The following MYO9B variants were observed in gnomAD, a reference collection of about 807,000 sequenced individuals.
The protein encoded by MYO9B is unconventional myosin-IXb.
A neutral mutation model predicts 229.5 loss-of-function variants in MYO9B; 71 were observed. That is an observed-to-expected ratio of 0.31 (90% confidence interval 0.26 to 0.38). MYO9B has a LOEUF of 0.38. Among genes scored for constraint, MYO9B ranks in the 10% least tolerant of loss-of-function variants. The pLI is 1.00. For missense variants in MYO9B, 2,255 were observed against 2,920.5 expected (o/e 0.77, Z 5.25); for synonymous variants, 1,185 against 1,235.8 (o/e 0.96, Z 0.86).
intron 1 of MYO9B, among the ~76,000 whole-genome samples, chr19:17,093,660 A>G (rs959841459): frequency 7.3e-6 from 1 of 137,872 alleles, no homozygotes; most frequent in Non-Finnish European, 1.5e-5. Flanking sequence ...TTTTAAATCC[A>G]TGTAATTTTT....
intron 2 of MYO9B, among the ~76,000 whole-genome samples, chr19:17,112,697 A>G (rs913639669): frequency 6.6e-6 from 1 of 152,200 alleles, no homozygotes; most frequent in African/African-American, 2.4e-5. Context: ...GGGGCATCCA[A>G]GGGAGAATTG....
rs961040577 is a variant in MYO9B, at chr19:17,185,834, T to A, written c.2497-87T>A. 3 of 1,057,806 alleles carry A rather than the reference T, an allele frequency of 2.8e-6. No homozygotes were observed. In the Admixed American group the frequency reaches 5.4e-5, roughly 19 times the overall value. The allele number at this position is 1,057,806 out of a possible 1,614,324, so 65.5% of individuals were successfully genotyped here. ...GCAGACCCCATCCACCCCACACTGATGCTAGAGTGTCCCAGGTCTGCTCCC... is the reference window on the plus strand; with the variant it reads ...GCAGACCCCATCCACCCCACACTGAAGCTAGAGTGTCCCAGGTCTGCTCCC... On this transcript the variant is annotated intron_variant, in intron 17 of 39. Coordinates refer to ENST00000682292, the MANE Select transcript of MYO9B (RefSeq NM_004145.4).
Position 17,202,000 on chromosome 19 carries a change from C to T in MYO9B, c.4638C>T (p.Asn1546=), listed in dbSNP as rs1409517985. The change falls in exon 27 of 40, where the codon AAC becomes AAT. Residue 1546 remains asparagine, a synonymous_variant. Coordinates refer to ENST00000682292, the MANE Select transcript of MYO9B (RefSeq NM_004145.4). ...FIEATEKFRS[N]IKTMYSVPNG... The stretch of plus-strand genomic sequence containing the variant: ...AAGCCACCGAGAAGTTCAGGAGCAA[C>T]ATCAAAACGATGTACTCTGTCCCGG... The T allele has an allele frequency of 3.1e-6, 5 of 1,612,926 alleles. No homozygotes were observed. Among genetic ancestry groups the T allele is most frequent in the East Asian group, 2.2e-5 (1 of 44,868 alleles).
Position 17,154,392 on chromosome 19 carries a change from C to T in MYO9B, c.1176C>T (p.Gly392=). The part of the protein sequence containing the change: ...ERLKQAMEMV[G]FLPATKKQIF... ...TCAAGCAGGCCATGGAGATGGTGGG[C>T]TTCCTCCCCGCCACCAAGAAGCAGT... Residue 392 remains glycine, a synonymous_variant, in exon 6 of 40, where the codon GGC becomes GGT. Coordinates refer to ENST00000682292, the MANE Select transcript of MYO9B (RefSeq NM_004145.4). 6.2e-7 allele frequency: 1 copy of T among 1,612,356 alleles called. No homozygotes were observed. Among genetic ancestry groups the T allele is most frequent in the Non-Finnish European group, 8.5e-7 (1 of 1,178,756 alleles).
intron 26 of MYO9B, among the ~76,000 whole-genome samples, chr19:17,201,595 G>A (rs923426303): frequency 2.0e-5 from 3 of 152,156 alleles, no homozygotes; most frequent in African/African-American, 7.2e-5. Context: ...GTCCGCCAGG[G>A]AACACTGGCA....
At chr19:17,096,964 A>G (rs1253925794) in intron 1 of MYO9B, among the ~76,000 whole-genome samples, 4 of 148,446 alleles carry the variant, frequency 2.7e-5, no homozygotes, top group Non-Finnish European at 6.1e-5. Flanking sequence ...TGCTGGGATT[A>G]CAGGCGTGAG....
intron 11 of MYO9B, among the ~76,000 whole-genome samples, chr19:17,171,821 C>T (rs757905801): frequency 2.0e-5 from 3 of 152,132 alleles, no homozygotes; most frequent in Non-Finnish European, 4.4e-5. Context: ...ATAGTCCCAG[C>T]TACTCAGGAA....
intron 8 of MYO9B, among the ~76,000 whole-genome samples, chr19:17,161,214 C>G (rs1412912657): frequency 3.9e-5 from 6 of 152,110 alleles, no homozygotes; most frequent in Admixed American, 2.0e-4. Flanking sequence ...CGCCCCACCC[C>G]CTCCCCGAGC....
At chr19:17,150,728 C>T (rs1009101978) in intron 3 of MYO9B, among the ~76,000 whole-genome samples, 1 of 141,720 alleles carries the variant, frequency 7.1e-6, no homozygotes, top group Non-Finnish European at 1.6e-5. Flanking sequence ...GTCCACTCCT[C>T]AGGAGCCACC....
In MYO9B at chr19:17,200,745, G is replaced by T; in HGVS notation, c.4479G>T (p.Val1493=). Residue 1493 remains valine, a synonymous_variant, in exon 26 of 40, where the codon GTG becomes GTT. Coordinates refer to ENST00000682292, the MANE Select transcript of MYO9B (RefSeq NM_004145.4). ...ATGTCAAGATTGGGAAGATCACAGT[G>T]TCAGAGAAGTGGCGGGAATCGGTGT... The part of the protein sequence containing the change: ...NRNVKIGKIT[V]SEKWRESVFR... 6.2e-7 allele frequency: 1 copy of T among 1,614,104 alleles called. No homozygotes were observed. The highest frequency in any genetic ancestry group is 8.5e-7 in the Non-Finnish European group (1 of 1,179,916).
At chr19:17,191,688 C>T (rs1476527784) in intron 20 of MYO9B, among the ~76,000 whole-genome samples, 1 of 152,120 alleles carries the variant, frequency 6.6e-6, no homozygotes, top group East Asian at 1.9e-4. Flanking sequence ...TAAAAAATTC[C>T]CTTCCAGCCA....
At chr19:17,187,886 T>C (rs368308618) in intron 18 of MYO9B, 49 bp from the exon 19 acceptor site, 2 of 1,492,002 alleles carry the variant, frequency 1.3e-6, no homozygotes, top group Non-Finnish European at 1.8e-6. Flanking sequence ...GACTTGGGCA[T>C]CCTGTCAGGT....
intron 2 of MYO9B, among the ~76,000 whole-genome samples, chr19:17,109,725 G>A (rs1258061388): frequency 1.3e-5 from 2 of 152,170 alleles, no homozygotes; most frequent in Non-Finnish European, 2.9e-5. Flanking sequence ...CTGGGCTTGT[G>A]GCCGCATCAC....
chr19:17,156,931 A>G lies in MYO9B; in HGVS notation c.1222A>G (p.Ile408Val), dbSNP rs1037705221. The G allele has an allele frequency of 6.2e-7, 1 of 1,613,744 alleles. No homozygotes were observed. The highest frequency in any genetic ancestry group is 8.5e-7 in the Non-Finnish European group (1 of 1,179,832). ...CAGGATTTTTGCCGTCCTCTCGGCC[A>G]TCCTGTACCTGGGCAACGTCACTTA... ...KKQIFAVLSA[I>V]LYLGNVTYKK... The change falls in exon 7 of 40, where the codon ATC becomes GTC. Residue 408 changes from isoleucine (I) to valine (V), a missense_variant. Around this residue, in one of 7 missense-constraint regions of MYO9B, gnomAD observed 220 missense variants for 404.5 expected, o/e 0.54. Transcript: ENST00000682292.
chr19:17,098,447 T>A (rs2145008798), intron 1 of MYO9B, among the ~76,000 whole-genome samples: 1 of 152,290 alleles, frequency 6.6e-6, no homozygotes, highest in Middle Eastern at 3.4e-3. Flanking sequence ...ACTGCTGCGC[T>A]GGATTCACGT....
intron 1 of MYO9B, among the ~76,000 whole-genome samples, chr19:17,099,840 G>A (rs1213653125): frequency 1.3e-5 from 2 of 149,814 alleles, no homozygotes; most frequent in East Asian, 2.0e-4. Flanking sequence ...AAAAAAGGCC[G>A]GGTGCGGTAG....
intron 30 of MYO9B, among the ~76,000 whole-genome samples, chr19:17,204,308 G>A (rs1045110169): frequency 5.3e-5 from 8 of 150,528 alleles, no homozygotes; most frequent in Non-Finnish European, 7.4e-5. Flanking sequence ...TCTTTGCCCC[G>A]TGACATCTTC....
At position 17,162,466 on chromosome 19, in the gene MYO9B, G is replaced by A. The variant is rs377299305; in HGVS notation, c.1536G>A (p.Ser512=). The part of the protein sequence containing the change: ...LNKKDVEEAV[S]CLSIGVLDIF... ...AGAAGGACGTGGAAGAGGCAGTCTC[G>A]GTGAGTGCCCCCATTTGCTTCCTCA... The change falls in exon 9 of 40, where the codon TCG becomes TCA. Residue 512 remains serine (S), a splice_region_variant and synonymous_variant. Transcript: ENST00000682292. 5.4e-5 allele frequency: 84 copies of A among 1,558,114 alleles called. No individual in the cohort carries two copies. In the East Asian group the frequency reaches 9.6e-4, roughly 18 times the overall value.
chr19:17,125,725 C>T (rs990316837), intron 2 of MYO9B, among the ~76,000 whole-genome samples: 8 of 152,142 alleles, frequency 5.3e-5, no homozygotes, highest in Non-Finnish European at 4.4e-5. Context: ...GCACTCAGCT[C>T]TCTGTACATC....
Sources: gnomAD v4.1 joint callset for allele counts (sites outside exome capture counted in the v4.1 genomes callset) on GRCh38, gnomAD v4.1.1 for gene constraint, gnomAD v4.1.1 regional missense constraint, MANE v1.5 for transcripts, NCBI Gene and HGNC (gene_info 2026-07-23, HGNC 2026-07-21) for gene names.